Variants in LMX1B observed in about 807,000 individuals in gnomAD.
The protein encoded by LMX1B is LIM homeobox transcription factor 1 beta, also known as LIM homeobox transcription factor 1-beta.
A neutral mutation model predicts 51.4 loss-of-function variants in LMX1B; 12 were observed. The observed-to-expected ratio is 0.23, with a 90% CI of 0.15 to 0.38. The LOEUF is 0.38. Among genes scored for constraint, LMX1B ranks in the 10% least tolerant of loss-of-function variants. LMX1B has a pLI of 1.00. For missense variants in LMX1B, 445 were observed against 571.1 expected, an observed-to-expected ratio of 0.78 and a Z score of 2.25; for synonymous variants, 237 against 235.4, an observed-to-expected ratio of 1.01 and a Z score of -0.06.
chr9:126,696,835 C>T lies in LMX1B; in HGVS notation c.*384C>T, dbSNP rs529130282. On this transcript the variant is annotated 3_prime_UTR_variant, in exon 8 of 8. Coordinates refer to ENST00000373474, the MANE Select transcript of LMX1B (RefSeq NM_001174147.2). The stretch of plus-strand genomic sequence containing the variant: ...ATGGCCCTCCATGCAAGCCCCAGGA[C>T]AATGGTGTCATGAGGCGGTGACCTG... The T allele has an allele frequency of 6.4e-5, 20 of 310,830 alleles. No homozygotes were observed. The highest frequency in any genetic ancestry group is 4.3e-4 in the African/African-American group (20 of 46,622). 19.3% of individuals were successfully genotyped at this position (310,830 alleles called of 1,614,324 possible).
At chr9:126,627,323 C>T (rs1476383663) in intron 2 of LMX1B, among the ~76,000 whole-genome samples, 8 of 152,140 alleles carry the variant, frequency 5.3e-5, no homozygotes, top group African/African-American at 1.9e-4. Context: ...CTGCCCTCAG[C>T]CTGCTTGCTT....
chr9:126,661,476 G>C (rs1448640775), intron 2 of LMX1B, among the ~76,000 whole-genome samples: 1 of 152,198 alleles, frequency 6.6e-6, no homozygotes, highest in Admixed American at 6.5e-5. Context: ...AGGCTGAGCC[G>C]AAGCACATGG....
At chr9:126,682,155 T>C (rs563568313) in intron 2 of LMX1B, among the ~76,000 whole-genome samples, 43 of 141,594 alleles carry the variant, frequency 3.0e-4, no homozygotes, top group African/African-American at 1.1e-3. Flanking sequence ...CTCAAACTCC[T>C]GGGCTCAAGC....
At chr9:126,682,852 G>C (rs919194347) in intron 2 of LMX1B, among the ~76,000 whole-genome samples, 1 of 136,160 alleles carries the variant, frequency 7.3e-6, no homozygotes, top group African/African-American at 2.8e-5. Context: ...CTGAGATCAC[G>C]CCACTGCACT....
chr9:126,670,799 A>G (rs1334197925), intron 2 of LMX1B, among the ~76,000 whole-genome samples: 1 of 152,228 alleles, frequency 6.6e-6, no homozygotes, highest in Non-Finnish European at 1.5e-5. Context: ...TAACGTTTCC[A>G]TGTAACACGG....
At chr9:126,624,103 C>G (rs1835473928) in intron 2 of LMX1B, among the ~76,000 whole-genome samples, 1 of 152,252 alleles carries the variant, frequency 6.6e-6, no homozygotes, top group Non-Finnish European at 1.5e-5. Context: ...TTCTAAAGCG[C>G]AGCCCTTTCA....
intron 2 of LMX1B, 33 bp from the exon 3 acceptor site, chr9:126,690,803 C>A: frequency 6.4e-7 from 1 of 1,561,508 alleles, no homozygotes; most frequent in Non-Finnish European, 8.7e-7. Context: ...GACTTCTGAG[C>A]ACCGCCAACA....
rs369937789 is a variant in LMX1B at position 126,625,802 on chromosome 9, G to A, written c.326+10233G>A. Among the ~76,000 whole-genome samples, 4 of 152,168 alleles carry A rather than the reference G, an allele frequency of 2.6e-5. No homozygotes were observed. Reference sequence around the variant, plus strand: ...AGCCCTGTCTGCCGACTGGCCCTTCGACGTCGCCGCCGTGCCTGAGCCCCG... The same window carrying A: ...AGCCCTGTCTGCCGACTGGCCCTTCAACGTCGCCGCCGTGCCTGAGCCCCG... On this transcript the variant is annotated intron_variant, in intron 2 of 7. Transcript: ENST00000373474. This position sits in a 1 kb window ranked among gnomAD's most constrained non-coding sequence, Gnocchi z 5.3.
intron 2 of LMX1B, among the ~76,000 whole-genome samples, chr9:126,639,706 A>G (rs1264563570): frequency 6.6e-6 from 1 of 152,218 alleles, no homozygotes; most frequent in Non-Finnish European, 1.5e-5. Context: ...GGAGGGGGGC[A>G]GAGGAGGGCT....
chr9:126,620,254 C>T (rs918955287), intron 2 of LMX1B, among the ~76,000 whole-genome samples: 1 of 152,154 alleles, frequency 6.6e-6, no homozygotes, highest in Non-Finnish European at 1.5e-5. Context: ...AAAGTCTTGC[C>T]TTCCTCAGCC....
intron 2 of LMX1B, among the ~76,000 whole-genome samples, chr9:126,619,289 C>G (rs1200404676): frequency 1.3e-5 from 2 of 152,214 alleles, no homozygotes; most frequent in Non-Finnish European, 2.9e-5. Context: ...TCTCCCCCCA[C>G]ACTCCCCATC....
In LMX1B at chr9:126,671,238, G is replaced by A. The variant is rs978089681; in HGVS notation, c.327-19598G>A. ...GAGCTGGGGGGAGGGGACCCCGCTC[G>A]GAAATCGGTCATAAATTTCTTGAGA... On this transcript the variant is annotated intron_variant, in intron 2 of 7. Transcript: ENST00000373474. The surrounding 1 kb of genome is among the most constrained non-coding windows in gnomAD (Gnocchi z 4.4). Among the ~76,000 whole-genome samples, 2 of 152,192 alleles carry A rather than the reference G, an allele frequency of 1.3e-5. No individual in the cohort carries two copies. Among genetic ancestry groups the A allele is most frequent in the East Asian group, 1.9e-4 (1 of 5,190 alleles).
At chr9:126,647,703 C>G (rs1306930752) in intron 2 of LMX1B, among the ~76,000 whole-genome samples, 1 of 152,248 alleles carries the variant, frequency 6.6e-6, no homozygotes, top group Non-Finnish European at 1.5e-5. Flanking sequence ...ACTGATGGCT[C>G]CTGCACAGGG....
At position 126,700,078 on chromosome 9, in the gene LMX1B, G is replaced by A. The variant is rs1404993438; in HGVS notation, c.*3627G>A. ...GCCCCAGGTAACACAGGGCAGAGGAGGGACAAAAAGCTGGGCATGGCCCCA... is the reference window on the plus strand; with the variant it reads ...GCCCCAGGTAACACAGGGCAGAGGAAGGACAAAAAGCTGGGCATGGCCCCA... On this transcript the variant is annotated 3_prime_UTR_variant, in exon 8 of 8. Transcript: ENST00000373474. The A allele has an allele frequency of 8.5e-5, 13 of 152,230 alleles. No individual in the cohort carries two copies. The allele number at this position is 152,230 out of a possible 1,614,324, so 9.4% of individuals were successfully genotyped here.
At chr9:126,683,580 T>TA (rs1399081882) in intron 2 of LMX1B, among the ~76,000 whole-genome samples, 1 of 152,082 alleles carries the variant, frequency 6.6e-6, no homozygotes, top group Non-Finnish European at 1.5e-5. Flanking sequence ...AGCTCATCCT[T>TA]CAGCCGGCAT....
intron 2 of LMX1B, among the ~76,000 whole-genome samples, chr9:126,663,871 G>A (rs1382785472): frequency 1.3e-5 from 2 of 152,238 alleles, no homozygotes; most frequent in Non-Finnish European, 2.9e-5. Context: ...ATGGGGCGGG[G>A]CAGCAGGCCA....
At chr9:126,692,435 G>T (rs3780332) in intron 3 of LMX1B, among the ~76,000 whole-genome samples, 35,482 of 152,276 alleles carry the variant, frequency 0.23, 4,994 homozygotes, top group Middle Eastern at 0.36. Flanking sequence ...GAAGTGCCAT[G>T]TGTGCATGGT....
At position 126,698,440 on chromosome 9, in the gene LMX1B, T is replaced by G. The variant is rs1030449978; in HGVS notation, c.*1989T>G. On this transcript the variant is annotated 3_prime_UTR_variant, in exon 8 of 8. Coordinates refer to ENST00000373474, the MANE Select transcript of LMX1B (RefSeq NM_001174147.2). ...CATTCCAATTGCATTTCCTGCCCCC[T>G]TCTCCCAGGGCAATTGCAGAAGATT... The G allele has an allele frequency of 1.3e-5, 2 of 152,346 alleles. No individual in the cohort carries two copies. Among genetic ancestry groups the G allele is most frequent in the African/African-American group, 4.8e-5 (2 of 41,468 alleles). The allele number at this position is 152,346 out of a possible 1,614,324, so 9.4% of individuals were successfully genotyped here.
chr9:126,693,655 G>T lies in LMX1B; in HGVS notation c.819+54G>T. 13 of 1,609,946 alleles carry T rather than the reference G, an allele frequency of 8.1e-6. No homozygotes were observed. In the South Asian group the frequency reaches 1.4e-4, roughly 18 times the overall value. On this transcript the variant is annotated intron_variant, in intron 5 of 7. Transcript: ENST00000373474. ...CCCCGGGTAGGGTGGGACTAGAGGG[G>T]GCAGCCAGAAGACTACGGTCCAGGG...
Sources: allele counts gnomAD v4.1 joint callset (sites outside exome capture counted in the v4.1 genomes callset), GRCh38; gene constraint gnomAD v4.1.1; non-coding constraint Gnocchi (gnomAD v3.1); transcripts MANE v1.5; gene names NCBI Gene and HGNC (gene_info 2026-07-23, HGNC 2026-07-21).